PSAPL1: variants seen among roughly 807,000 people sequenced by gnomAD.
The protein encoded by PSAPL1 is prosaposin like 1, also known as proactivator polypeptide-like 1.
For synonymous variants in PSAPL1, 351 were observed against 291.6 expected (o/e 1.20, Z -2.08); for missense variants, 814 against 688.8 (o/e 1.18, Z -2.03).
chr4:7,430,960 G>A lies in PSAPL1; in HGVS notation c.*2354C>T, dbSNP rs558886566. On this transcript the variant is annotated 3_prime_UTR_variant, in exon 1 of 1. Transcript: ENST00000319098. The stretch of plus-strand genomic sequence containing the variant: ...TGCCTCTCTGCCTTTAGACCCCAAG[G>A]CAGCCACTCCCCACGAGCACTTGCA... 1.5e-4 allele frequency: 23 copies of A among 152,486 alleles called. No homozygotes were observed. Among genetic ancestry groups the A allele is most frequent in the African/African-American group, 4.8e-4 (20 of 41,570 alleles). The allele number at this position is 152,486 out of a possible 1,614,324, so 9.4% of individuals were successfully genotyped here.
At position 7,433,756 on chromosome 4, in the gene PSAPL1, A is replaced by G. The variant is rs766672830; in HGVS notation, c.1124T>C (p.Val375Ala). The G allele has an allele frequency of 6.2e-7, 1 of 1,613,368 alleles. No homozygotes were observed. Among genetic ancestry groups the G allele is most frequent in the East Asian group, 2.2e-5 (1 of 44,864 alleles). ...LCGNRRRARAVHDAYAIVPSP... is the reference protein window; with the variant it reads ...LCGNRRRARAAHDAYAIVPSP... ...CGGCACGATGGCATAGGCATCATGGACTGCCCGGGCCCGCCTCCGGTTGCC... is the reference window on the plus strand; with the variant it reads ...CGGCACGATGGCATAGGCATCATGGGCTGCCCGGGCCCGCCTCCGGTTGCC... Residue 375 changes from valine to alanine, a missense_variant, in exon 1 of 1, where the codon GTC becomes GCC. Transcript: ENST00000319098.
chr4:7,433,299 C>A lies in PSAPL1; in HGVS notation c.*15G>T. 7.3e-7 allele frequency: 1 copy of A among 1,372,244 alleles called. No homozygotes were observed. Among genetic ancestry groups the A allele is most frequent in the Non-Finnish European group, 9.4e-7 (1 of 1,060,516 alleles). The allele number at this position is 1,372,244 out of a possible 1,614,324, so 85.0% of individuals were successfully genotyped here. A position where few individuals can be genotyped will look rare whatever the true frequency, so the allele number is the denominator to read the frequency against. ...TGGGCCTCGCTAGCAGGCTCTGGGT[C>A]TCTGGCAGCCACGGTCACGCGTGTT... On this transcript the variant is annotated 3_prime_UTR_variant, in exon 1 of 1. Coordinates refer to ENST00000319098, the MANE Select transcript of PSAPL1 (RefSeq NM_001085382.2).
In PSAPL1 at chr4:7,434,870, C is replaced by T; in HGVS notation, c.10G>A (p.Ala4Thr). 1 of 1,569,496 alleles carries T rather than the reference C, an allele frequency of 6.4e-7. No individual in the cohort carries two copies. Among genetic ancestry groups the T allele is most frequent in the African/African-American group, 1.4e-5 (1 of 73,872 alleles). Reference protein sequence around the residue: MLCALLLLPSLLGA... With the variant: MLCTLLLLPSLLGA... The stretch of plus-strand genomic sequence containing the variant: ...AGGAGGCTGGGCAGGAGGAGCAGGG[C>T]ACACAGCATGCTGCCCAGGGACTCT... The change falls in exon 1 of 1, where the codon GCC (alanine) becomes ACC (threonine). Residue 4 changes from alanine to threonine, a missense_variant. Coordinates refer to ENST00000319098, the MANE Select transcript of PSAPL1 (RefSeq NM_001085382.2).
At position 7,434,138 on chromosome 4, in the gene PSAPL1, A is replaced by G; in HGVS notation, c.742T>C (p.Cys248Arg). Reference protein sequence around the residue: ...ALRLLPPQELCRKGGFCEELG... With the variant: ...ALRLLPPQELRRKGGFCEELG... ...TCCTCACAGAATCCCCCCTTCCTGC[A>G]GAGCTCCTGCGGGGGGAGAAGCCTC... Residue 248 changes from cysteine to arginine, a missense_variant, in exon 1 of 1, where the codon TGC becomes CGC. By Grantham distance (180) the Cys-to-Arg change is radical (BLOSUM62 -3). Coordinates refer to ENST00000319098, the MANE Select transcript of PSAPL1 (RefSeq NM_001085382.2). The G allele has an allele frequency of 1.9e-6, 3 of 1,613,710 alleles. No individual in the cohort carries two copies. The highest frequency in any genetic ancestry group is 2.5e-6 in the Non-Finnish European group (3 of 1,179,710).
At position 7,434,626 on chromosome 4, in the gene PSAPL1, G is replaced by T. The variant is rs1207690433; in HGVS notation, c.254C>A (p.Ser85Tyr). Residue 85 changes from serine to tyrosine, a missense_variant, in exon 1 of 1, where the codon TCT (serine) becomes TAT (tyrosine). By Grantham distance (144) the Ser-to-Tyr change is moderately radical (BLOSUM62 -2). Coordinates refer to ENST00000319098, the MANE Select transcript of PSAPL1 (RefSeq NM_001085382.2). The part of the protein sequence containing the change: ...GNGLNPDATE[S>Y]DILALVMKTC... ...CTTCATCACCAAAGCCAGGATGTCA[G>T]ACTCCGTGGCGTCAGGGTTCAGCCC... 5 of 1,613,378 alleles carry T rather than the reference G, an allele frequency of 3.1e-6. No individual in the cohort carries two copies. Among genetic ancestry groups the T allele is most frequent in the Non-Finnish European group, 4.2e-6 (5 of 1,179,678 alleles).
rs774177996 is a variant in PSAPL1, at chr4:7,434,126, C to G, written c.754G>C (p.Gly252Arg). 1 of 1,613,070 alleles carries G rather than the reference C, an allele frequency of 6.2e-7. No homozygotes were observed. Among genetic ancestry groups the G allele is most frequent in the Non-Finnish European group, 8.5e-7 (1 of 1,179,320 alleles). ...LPPQELCRKG[G>R]FCEELGAPAR... is the part of the protein sequence containing the mutation. ...GGTGCCCCTAGCTCCTCACAGAATC[C>G]CCCCTTCCTGCAGAGCTCCTGCGGG... Residue 252 changes from glycine (G) to arginine (R), a missense_variant, in exon 1 of 1, where the codon GGA becomes CGA. Physicochemically the swap from Gly to Arg is moderately radical, Grantham distance 125 (BLOSUM62 -2). Coordinates refer to ENST00000319098, the MANE Select transcript of PSAPL1 (RefSeq NM_001085382.2).
Position 7,432,802 on chromosome 4 carries a change from C to G in PSAPL1, c.*512G>C, listed in dbSNP as rs890983022. 6.6e-6 allele frequency: 1 copy of G among 152,636 alleles called. No homozygotes were observed. Among genetic ancestry groups the G allele is most frequent in the Non-Finnish European group, 1.5e-5 (1 of 68,444 alleles). The allele number at this position is 152,636 out of a possible 1,614,324, so 9.5% of individuals were successfully genotyped here. A position where few individuals can be genotyped will look rare whatever the true frequency, so the allele number is the denominator to read the frequency against. On this transcript the variant is annotated 3_prime_UTR_variant, in exon 1 of 1. Coordinates refer to ENST00000319098, the MANE Select transcript of PSAPL1 (RefSeq NM_001085382.2). The stretch of plus-strand genomic sequence containing the variant: ...TCATACACACCTTTGGCAGCCACCC[C>G]CAGGGACTCCAGGTTGAGAAGCTCT...
rs1211741786 is a variant in PSAPL1, at chr4:7,432,293, C to G, written c.*1021G>C. 1 of 152,054 alleles carries G rather than the reference C, an allele frequency of 6.6e-6. No individual in the cohort carries two copies. Among genetic ancestry groups the G allele is most frequent in the Non-Finnish European group, 1.5e-5 (1 of 68,018 alleles). 9.4% of individuals were successfully genotyped at this position (152,054 alleles called of 1,614,324 possible). A position where few individuals can be genotyped will look rare whatever the true frequency, so the allele number is the denominator to read the frequency against. On this transcript the variant is annotated 3_prime_UTR_variant, in exon 1 of 1. Coordinates refer to ENST00000319098, the MANE Select transcript of PSAPL1 (RefSeq NM_001085382.2). ...GCTTGTGGTTTATACAGCGCTTGCA[C>G]CGCCAGACTCTCCTGGGTGCCCCGC...
rs1434584929 is a variant in PSAPL1, at chr4:7,431,285, A to T, written c.*2029T>A. The T allele has an allele frequency of 6.6e-6, 1 of 151,932 alleles. No individual in the cohort carries two copies. The highest frequency in any genetic ancestry group is 1.5e-5 in the Non-Finnish European group (1 of 68,024). The allele number at this position is 151,932 out of a possible 1,614,324, so 9.4% of individuals were successfully genotyped here. ...TGGGTAGGGAAGAGGGTGTGGGGAC[A>T]CCCCACCCTGACCACCCACTGCAGG... On this transcript the variant is annotated 3_prime_UTR_variant, in exon 1 of 1. Coordinates refer to ENST00000319098, the MANE Select transcript of PSAPL1 (RefSeq NM_001085382.2).
In PSAPL1 at chr4:7,433,386, C is replaced by T; in HGVS notation, c.1494G>A (p.Leu498=). The stretch of plus-strand genomic sequence containing the variant: ...TCTGGCAGTGTTGCACAGCGTTGCA[C>T]AGCTTGGCGGCCTCCTGGCTCCTGC... The part of the protein sequence containing the change: ...FWCRSQEAAK[L]CNAVQHCQKH... The change falls in exon 1 of 1, where the codon CTG becomes CTA. Residue 498 remains leucine, a synonymous_variant. Transcript: ENST00000319098. The T allele has an allele frequency of 6.7e-7, 1 of 1,494,332 alleles. No homozygotes were observed. Among genetic ancestry groups the T allele is most frequent in the South Asian group, 1.4e-5 (1 of 71,476 alleles). 92.6% of individuals were successfully genotyped at this position (1,494,332 alleles called of 1,614,324 possible).
chr4:7,433,806 C>G lies in PSAPL1; in HGVS notation c.1074G>C (p.Lys358Asn). The change falls in exon 1 of 1, where the codon AAG (lysine) becomes AAC (asparagine). Residue 358 changes from lysine to asparagine, a missense_variant. Physicochemically the swap from Lys to Asn is moderately conservative, Grantham distance 94. Coordinates refer to ENST00000319098, the MANE Select transcript of PSAPL1 (RefSeq NM_001085382.2). ...VQLVAKITPEKVCKFIRLCGN... is the reference protein window; with the variant it reads ...VQLVAKITPENVCKFIRLCGN... ...CACACAGACGGATGAACTTGCACACCTTCTCTGGGGTGATTTTGGCCACAA... is the reference window on the plus strand; with the variant it reads ...CACACAGACGGATGAACTTGCACACGTTCTCTGGGGTGATTTTGGCCACAA... The G allele has an allele frequency of 6.2e-7, 1 of 1,613,758 alleles. No homozygotes were observed. Among genetic ancestry groups the G allele is most frequent in the Non-Finnish European group, 8.5e-7 (1 of 1,179,846 alleles).
In PSAPL1 at chr4:7,434,668, G is replaced by A. The variant is rs1409737627; in HGVS notation, c.212C>T (p.Ala71Val). The change falls in exon 1 of 1, where the codon GCA (alanine) becomes GTA (valine). Residue 71 changes from alanine (A) to valine (V), a missense_variant. Coordinates refer to ENST00000319098, the MANE Select transcript of PSAPL1 (RefSeq NM_001085382.2). Reference protein sequence around the residue: ...SLPCDVCQDIAAAAGNGLNPD... With the variant: ...SLPCDVCQDIVAAAGNGLNPD... ...GTTCAGCCCATTGCCAGCGGCGGCT[G>A]CTATGTCCTGGCATACGTCGCAGGG... is the stretch of plus-strand genomic sequence containing the variant. The A allele has an allele frequency of 6.2e-7, 1 of 1,612,572 alleles. No homozygotes were observed. The highest frequency in any genetic ancestry group is 8.5e-7 in the Non-Finnish European group (1 of 1,179,484).
In PSAPL1 at chr4:7,433,903, G is replaced by C; in HGVS notation, c.977C>G (p.Ser326Trp). The change falls in exon 1 of 1, where the codon TCG (serine) becomes TGG (tryptophan). Residue 326 changes from serine to tryptophan, a missense_variant. Coordinates refer to ENST00000319098, the MANE Select transcript of PSAPL1 (RefSeq NM_001085382.2). Reference protein sequence around the residue: ...MITHALERVCSVMPASITKEC... With the variant: ...MITHALERVCWVMPASITKEC... ...CTTCGTGATAGAGGCAGGCATTACC[G>C]AGCACACGCGCTCCAGGGCATGGGT... 3.7e-6 allele frequency: 6 copies of C among 1,613,808 alleles called. No homozygotes were observed. In the South Asian group the frequency reaches 6.6e-5, roughly 18 times the overall value.
chr4:7,433,553 T>G lies in PSAPL1; in HGVS notation c.1327A>C (p.Thr443Pro). The G allele has an allele frequency of 6.2e-7, 1 of 1,610,880 alleles. No individual in the cohort carries two copies. Among genetic ancestry groups the G allele is most frequent in the South Asian group, 1.1e-5 (1 of 90,602 alleles). The change falls in exon 1 of 1, where the codon ACC becomes CCC. Residue 443 changes from threonine to proline, a missense_variant. Coordinates refer to ENST00000319098, the MANE Select transcript of PSAPL1 (RefSeq NM_001085382.2). ...PYMIQCKHFV[T>P]QYEPVLIESL... is the part of the protein sequence containing the mutation. The stretch of plus-strand genomic sequence containing the variant: ...TCAATGAGCACGGGCTCGTACTGGG[T>G]GACGAAGTGCTTGCACTGGATCATA...
Position 7,434,601 on chromosome 4 carries a change from C to T in PSAPL1, c.279G>A (p.Lys93=), listed in dbSNP as rs773031791. ...CCTGGCTGGGGAGCCACTCACAGGT[C>T]TTCATCACCAAAGCCAGGATGTCAG... ...TESDILALVM[K]TCEWLPSQES... The change falls in exon 1 of 1, where the codon AAG becomes AAA. Residue 93 remains lysine, a synonymous_variant. Coordinates refer to ENST00000319098, the MANE Select transcript of PSAPL1 (RefSeq NM_001085382.2). 5.0e-6 allele frequency: 8 copies of T among 1,613,322 alleles called. No individual in the cohort carries two copies. Among genetic ancestry groups the T allele is most frequent in the Admixed American group, 1.7e-5 (1 of 59,914 alleles).
In PSAPL1 at chr4:7,434,101, G is replaced by C; in HGVS notation, c.779C>G (p.Pro260Arg). Reference protein sequence around the residue: ...KGGFCEELGAPARLTQVVAMD... With the variant: ...KGGFCEELGARARLTQVVAMD... ...GGCCACTACTTGAGTCAAACGGGCA[G>C]GTGCCCCTAGCTCCTCACAGAATCC... The change falls in exon 1 of 1, where the codon CCT becomes CGT. Residue 260 changes from proline (P) to arginine (R), a missense_variant. Coordinates refer to ENST00000319098, the MANE Select transcript of PSAPL1 (RefSeq NM_001085382.2). 1.2e-6 allele frequency: 2 copies of C among 1,611,842 alleles called. No individual in the cohort carries two copies. The highest frequency in any genetic ancestry group is 1.7e-6 in the Non-Finnish European group (2 of 1,178,376).
chr4:7,432,142 G>A lies in PSAPL1; in HGVS notation c.*1172C>T, dbSNP rs1301781386. The A allele has an allele frequency of 6.6e-6, 1 of 152,392 alleles. No individual in the cohort carries two copies. The highest frequency in any genetic ancestry group is 1.5e-5 in the Non-Finnish European group (1 of 68,210). 9.4% of individuals were successfully genotyped at this position (152,392 alleles called of 1,614,324 possible). On this transcript the variant is annotated 3_prime_UTR_variant, in exon 1 of 1. Coordinates refer to ENST00000319098, the MANE Select transcript of PSAPL1 (RefSeq NM_001085382.2). Reference sequence around the variant, plus strand: ...AACCCAGATGGAAACCCCCCCCGGAGGCTTTCTGCCAGAGGGGGCACCGGG... The same window carrying A: ...AACCCAGATGGAAACCCCCCCCGGAAGCTTTCTGCCAGAGGGGGCACCGGG...
chr4:7,433,492 C>A lies in PSAPL1; in HGVS notation c.1388G>T (p.Cys463Phe), dbSNP rs760567963. Reference sequence around the variant, plus strand: ...GCCGTGGCAGGCCCCCACCTTCTTGCACACAGCCACGGGGTCCATCATGTC... The same window carrying A: ...GCCGTGGCAGGCCCCCACCTTCTTGAACACAGCCACGGGGTCCATCATGTC... ...LKDMMDPVAV[C>F]KKVGACHGPR... The change falls in exon 1 of 1, where the codon TGC becomes TTC. Residue 463 changes from cysteine to phenylalanine, a missense_variant. Coordinates refer to ENST00000319098, the MANE Select transcript of PSAPL1 (RefSeq NM_001085382.2). The A allele has an allele frequency of 1.3e-6, 2 of 1,593,762 alleles. No homozygotes were observed. The highest frequency in any genetic ancestry group is 2.2e-5 in the East Asian group (1 of 44,454).
chr4:7,434,782 C>T, the PSAPL1 span: 2 of 1,612,004 alleles, frequency 1.2e-6, no homozygotes, highest in Middle Eastern at 1.6e-4. Flanking sequence ...ATCCTGACAC[C>T]ACACCGTGGA....
Sources: gnomAD v4.1 joint callset for allele counts on GRCh38, gnomAD v4.1.1 for gene constraint, MANE v1.5 for transcripts, NCBI Gene and HGNC (gene_info 2026-07-23, HGNC 2026-07-21) for gene names.